Variants in WWP2 observed in about 807,000 individuals in gnomAD.
The protein encoded by WWP2 is WW domain containing E3 ubiquitin protein ligase 2, also known as NEDD4-like E3 ubiquitin-protein ligase WWP2.
Under a neutral mutation model 121.0 loss-of-function variants are expected in WWP2, and 57 were observed. The ratio of observed to expected loss-of-function variants is 0.47; its 90% CI spans 0.38 to 0.59. The LOEUF (loss-of-function observed/expected upper bound fraction) is 0.59. WWP2 is among the 20% of genes least tolerant of loss of function. The pLI is 0.00. For synonymous variants in WWP2, 449 were observed against 441.3 expected (o/e 1.02, Z -0.22); for missense variants, 962 against 1,158.9 (o/e 0.83, Z 2.47).
At chr16:69,792,133 C>T (rs77530424) in intron 2 of WWP2, among the ~76,000 whole-genome samples, 4,428 of 152,178 alleles carry the variant, frequency 0.029, 118 homozygotes, top group East Asian at 0.12. Flanking sequence ...TGTGACTGCG[C>T]GGTTTCCAGT....
intron 2 of WWP2, among the ~76,000 whole-genome samples, chr16:69,790,055 C>T (rs1196032895): frequency 6.6e-6 from 1 of 152,088 alleles, no homozygotes; most frequent in African/African-American, 2.4e-5. Flanking sequence ...CCAGCCTGGC[C>T]AATGTGGTAA....
intron 10 of WWP2, among the ~76,000 whole-genome samples, chr16:69,918,521 C>G (rs753144100): frequency 6.6e-6 from 1 of 152,204 alleles, no homozygotes; most frequent in Non-Finnish European, 1.5e-5. Flanking sequence ...AGTTAAGTAT[C>G]ACAATAAAGA....
intron 8 of WWP2, among the ~76,000 whole-genome samples, chr16:69,907,953 A>T (rs1276305181): frequency 6.6e-6 from 1 of 152,198 alleles, no homozygotes; most frequent in Non-Finnish European, 1.5e-5. Flanking sequence ...AGAACCTGTG[A>T]CTTTAAGCCG....
intron 1 of WWP2, among the ~76,000 whole-genome samples, chr16:69,771,559 G>T (rs931174595): frequency 6.6e-6 from 1 of 152,194 alleles, no homozygotes; most frequent in Non-Finnish European, 1.5e-5. Flanking sequence ...CTGTAGCTTT[G>T]TAGTAAGTTT....
At chr16:69,808,334 C>A (rs1026004168) in intron 4 of WWP2, among the ~76,000 whole-genome samples, 10 of 151,870 alleles carry the variant, frequency 6.6e-5, no homozygotes, top group Admixed American at 4.6e-4. Context: ...AAGTGATCCT[C>A]CCACTTTGGT....
At chr16:69,887,288 A>G (rs1181352126) in intron 7 of WWP2, among the ~76,000 whole-genome samples, 1 of 152,168 alleles carries the variant, frequency 6.6e-6, no homozygotes, top group African/African-American at 2.4e-5. Flanking sequence ...CTGCCTCTTT[A>G]GTGTGTATGA....
At chr16:69,913,041 G>T (rs1023324431) in intron 9 of WWP2, among the ~76,000 whole-genome samples, 3 of 67,464 alleles carry the variant, frequency 4.4e-5, no homozygotes, top group Non-Finnish European at 6.0e-5. Flanking sequence ...TTTTTTTTTT[G>T]AGACAGAATT....
Position 69,882,796 on chromosome 16 carries a change from G to A in WWP2, c.704-5243G>A, listed in dbSNP as rs116459616. 8.0e-3 allele frequency among the ~76,000 whole-genome samples: 1,217 copies of A among 152,286 alleles called. 16 individuals are homozygous for A. Among genetic ancestry groups the A allele is most frequent in the African/African-American group, 0.027 (1,106 of 41,544 alleles). On this transcript the variant is annotated intron_variant, in intron 7 of 23. Transcript: ENST00000359154. ...GTGCAGTCCTTTTGGGGAGATATGG[G>A]TGTACATCAAATAATTAGGATTAAA...
rs140816560 is a variant in WWP2 at position 69,844,354 on chromosome 16, A to G, written c.575+2234A>G. Among the ~76,000 whole-genome samples the G allele has an allele frequency of 3.0e-3, 462 of 152,324 alleles. 2 individuals are homozygous for G. The highest frequency in any genetic ancestry group is 0.011 in the African/African-American group (438 of 41,574). On this transcript the variant is annotated intron_variant, in intron 6 of 23. Transcript: ENST00000359154. ...ACTTGAGCATTTCACTCTTTTAGAG[A>G]GGAAGGAATACTTGAGTATTTCACT...
chr16:69,877,126 ATCT>A (rs1449978975), intron 7 of WWP2, among the ~76,000 whole-genome samples: 1 of 152,208 alleles, frequency 6.6e-6, no homozygotes, highest in African/African-American at 2.4e-5. Flanking sequence ...CCAAGATAGC[ATCT>A]TCTTGCAATA....
At chr16:69,881,608 A>G (rs1444975704) in intron 7 of WWP2, among the ~76,000 whole-genome samples, 1 of 152,246 alleles carries the variant, frequency 6.6e-6, no homozygotes, top group Non-Finnish European at 1.5e-5. Flanking sequence ...CTGGGTGAAG[A>G]CCATACTATC....
chr16:69,806,584 C>T (rs1317297515), intron 4 of WWP2, among the ~76,000 whole-genome samples: 1 of 151,966 alleles, frequency 6.6e-6, no homozygotes, highest in East Asian at 1.9e-4. Flanking sequence ...TCAGTTTTCC[C>T]CCCCATAATT....
chr16:69,795,972 G>T (rs4985547), intron 2 of WWP2, among the ~76,000 whole-genome samples: 1 of 151,432 alleles, frequency 6.6e-6, no homozygotes, highest in Admixed American at 6.6e-5. Context: ...CTAAATGCCA[G>T]TATGATCCTA....
chr16:69,824,890 C>T (rs1471935356), intron 4 of WWP2, among the ~76,000 whole-genome samples: 2 of 86,170 alleles, frequency 2.3e-5, no homozygotes, highest in Non-Finnish European at 3.2e-5. Flanking sequence ...CCTGCCTCAG[C>T]CTCCCAAGGA....
In WWP2 at chr16:69,940,685, A is replaced by G. The variant is rs764226847; in HGVS notation, c.*745A>G. The G allele has an allele frequency of 6.6e-6, 1 of 152,296 alleles. No homozygotes were observed. Among genetic ancestry groups the G allele is most frequent in the Non-Finnish European group, 1.5e-5 (1 of 68,080 alleles). The allele number at this position is 152,296 out of a possible 1,614,324, so 9.4% of individuals were successfully genotyped here. A position where few individuals can be genotyped will look rare whatever the true frequency, so the allele number is the denominator to read the frequency against. On this transcript the variant is annotated 3_prime_UTR_variant, in exon 24 of 24. Coordinates refer to ENST00000359154, the MANE Select transcript of WWP2 (RefSeq NM_001270454.2). ...GTTACGCTGCTGTCACTTTCTGTCC[A>G]GGAGCTGGCACCCCAGGTGTTCTGA...
At chr16:69,874,127 C>T (rs2057692881) in intron 7 of WWP2, among the ~76,000 whole-genome samples, 1 of 152,154 alleles carries the variant, frequency 6.6e-6, no homozygotes, top group Non-Finnish European at 1.5e-5. Context: ...GGGATTTCTG[C>T]CCACTCCAGT....
chr16:69,795,415 T>C (rs2056013019), intron 2 of WWP2, among the ~76,000 whole-genome samples: 2 of 152,208 alleles, frequency 1.3e-5, no homozygotes, highest in African/African-American at 4.8e-5. Context: ...AATCATATCC[T>C]TATTTGCACT....
At chr16:69,909,904 G>C (rs1055408712) in intron 9 of WWP2, 1 of 187,212 alleles carries the variant, frequency 5.3e-6, no homozygotes, top group African/African-American at 2.4e-5. Context: ...GGCACACTAT[G>C]ATGGCCTGTG....
intron 6 of WWP2, among the ~76,000 whole-genome samples, chr16:69,853,847 G>A (rs555332550): frequency 1.3e-5 from 2 of 152,318 alleles, no homozygotes; most frequent in Admixed American, 1.3e-4. Flanking sequence ...GACAAGAGAC[G>A]CAAGAGGCGG....
Sources: allele counts gnomAD v4.1 joint callset (sites outside exome capture counted in the v4.1 genomes callset), GRCh38; gene constraint gnomAD v4.1.1; transcripts MANE v1.5; gene names NCBI Gene and HGNC (gene_info 2026-07-23, HGNC 2026-07-21).